Variants in CBLIF observed in about 807,000 individuals in gnomAD.
The protein encoded by CBLIF is gastric intrinsic factor (vitamin B synthesis).
In CBLIF, 24 loss-of-function variants were observed where a neutral mutation model predicts 44.9. The ratio of observed to expected loss-of-function variants is 0.53; its 90% CI spans 0.39 to 0.75. CBLIF has a LOEUF of 0.75. CBLIF is among the 30% of genes least tolerant of loss of function. CBLIF has a pLI of 0.00. For synonymous variants in CBLIF, 183 were observed against 190.9 expected, an observed-to-expected ratio of 0.96 and a Z score of 0.34; for missense variants, 481 against 513.0, an observed-to-expected ratio of 0.94 and a Z score of 0.60.
rs148081315 is a variant in CBLIF at position 59,842,499 on chromosome 11, G to A, written c.455C>T (p.Pro152Leu). 2.5e-4 allele frequency: 400 copies of A among 1,613,888 alleles called. 1 individual carries two copies. Among genetic ancestry groups the A allele is most frequent in the South Asian group, 2.1e-3 (195 of 91,064 alleles). Reference sequence around the variant, plus strand: ...GGTCTTGGCAAAGCGGACGGCTATCGGCAAGGTCGCCTCAGAGTTCTTCTG... The same window carrying A: ...GGTCTTGGCAAAGCGGACGGCTATCAGCAAGGTCGCCTCAGAGTTCTTCTG... ...LCQKNSEATLPIAVRFAKTLL... is the reference protein window; with the variant it reads ...LCQKNSEATLLIAVRFAKTLL... Residue 152 changes from proline to leucine, a missense_variant, in exon 4 of 9, where the codon CCG becomes CTG. Transcript: ENST00000257248.
intron 8 of CBLIF, 149 bp downstream of exon 8, chr11:59,831,529 A>C (rs926996956): frequency 3.1e-5 from 17 of 540,586 alleles, no homozygotes; most frequent in Non-Finnish European, 5.6e-5. Flanking sequence ...TACATATATA[A>C]GCAATCACTG....
At position 59,831,771 on chromosome 11, in the gene CBLIF, C is replaced by G; in HGVS notation, c.1099G>C (p.Gly367Arg). The change falls in exon 8 of 9, where the codon GGC becomes CGC. Residue 367 changes from glycine to arginine, a missense_variant. By Grantham distance (125) the Gly-to-Arg change is moderately radical. Coordinates refer to ENST00000257248, the MANE Select transcript of CBLIF (RefSeq NM_005142.3). ...FKFETTMTSW[G>R]LVVSSINNIA... The stretch of plus-strand genomic sequence containing the variant: ...TTGTTGATAGAAGAGACGACAAGGC[C>G]CCAAGATGTCATTGTGGTTTCAAAT... 6.3e-7 allele frequency: 1 copy of G among 1,597,754 alleles called. No homozygotes were observed. The highest frequency in any genetic ancestry group is 8.6e-7 in the Non-Finnish European group (1 of 1,165,438).
chr11:59,830,680 CA>C (rs1203776937), intron 8 of CBLIF, among the ~76,000 whole-genome samples: 1 of 151,850 alleles, frequency 6.6e-6, no homozygotes, highest in African/African-American at 2.4e-5. Flanking sequence ...GAATACATGC[CA>C]TGCAAAAAAC....
intron 3 of CBLIF, 111 bp downstream of exon 3, chr11:59,842,917 C>G: frequency 1.3e-6 from 1 of 740,840 alleles, no homozygotes; most frequent in South Asian, 1.5e-5. Context: ...GATACATTGT[C>G]TCTTCCCTAA....
chr11:59,841,353 C>T (rs370957853), intron 4 of CBLIF, 29 bp from the exon 5 acceptor site: 13 of 1,482,634 alleles, frequency 8.8e-6, no homozygotes, highest in Middle Eastern at 1.7e-4. Flanking sequence ...ATAAGATCAC[C>T]ATAGTCACCA....
At chr11:59,837,432 C>T in intron 5 of CBLIF, 81 bp from the exon 6 acceptor site, 1 of 1,006,228 alleles carries the variant, frequency 9.9e-7, no homozygotes, top group Admixed American at 1.9e-5. Context: ...AAGAGATAAA[C>T]TTGATCACTA....
rs1358279590 is a variant in CBLIF at position 59,841,168 on chromosome 11, A to T, written c.668T>A (p.Ile223Asn). Residue 223 changes from isoleucine (I) to asparagine (N), a missense_variant, in exon 5 of 9, where the codon ATC becomes AAC. Transcript: ENST00000257248. Reference protein sequence around the residue: ...KIKDNGIIGDIYSTGLAMQAL... With the variant: ...KIKDNGIIGDNYSTGLAMQAL... ...CTGCATGGCGAGGCCAGTACTGTAGATGTCTCCAATGATGCCATTATCTTT... is the reference window on the plus strand; with the variant it reads ...CTGCATGGCGAGGCCAGTACTGTAGTTGTCTCCAATGATGCCATTATCTTT... 1 of 1,613,654 alleles carries T rather than the reference A, an allele frequency of 6.2e-7. No individual in the cohort carries two copies. The highest frequency in any genetic ancestry group is 8.5e-7 in the Non-Finnish European group (1 of 1,179,624).
intron 7 of CBLIF, 151 bp downstream of exon 7, chr11:59,835,657 C>G: frequency 1.4e-6 from 1 of 711,464 alleles, no homozygotes; most frequent in East Asian, 2.7e-5. Context: ...TTCATGAGAG[C>G]CTTACCTATT....
chr11:59,836,973 A>T (rs1472658097), intron 6 of CBLIF, among the ~76,000 whole-genome samples: 1 of 152,226 alleles, frequency 6.6e-6, no homozygotes, highest in African/African-American at 2.4e-5. Context: ...ATGCTGAATG[A>T]AGTAGATATG....
chr11:59,835,122 T>C (rs965673743), intron 7 of CBLIF, among the ~76,000 whole-genome samples: 5 of 151,866 alleles, frequency 3.3e-5, no homozygotes, highest in Non-Finnish European at 5.9e-5. Context: ...TTATCGCAAA[T>C]GCTTTGTTCT....
In CBLIF at chr11:59,829,339, T is replaced by C; in HGVS notation, c.*145A>G. ...GAGACTCCAGTGAACTTTGCATTTT[T>C]ATTCTACATAGTGGTTCTCCATGTT... is the stretch of plus-strand genomic sequence containing the variant. On this transcript the variant is annotated 3_prime_UTR_variant, in exon 9 of 9. Transcript: ENST00000257248. 1 of 669,940 alleles carries C rather than the reference T, an allele frequency of 1.5e-6. No individual in the cohort carries two copies. The highest frequency in any genetic ancestry group is 2.8e-6 in the Non-Finnish European group (1 of 358,436). 41.5% of individuals were successfully genotyped at this position (669,940 alleles called of 1,614,324 possible). A position where few individuals can be genotyped will look rare whatever the true frequency, so the allele number is the denominator to read the frequency against.
intron 1 of CBLIF, 156 bp downstream of exon 1, chr11:59,845,219 A>T: frequency 2.9e-6 from 3 of 1,023,972 alleles, no homozygotes; most frequent in Non-Finnish European, 4.4e-6. Flanking sequence ...TATGCTATTA[A>T]GTCAGGAAGG....
At chr11:59,837,554 A>T (rs1229002494) in intron 5 of CBLIF, among the ~76,000 whole-genome samples, 3 of 152,242 alleles carry the variant, frequency 2.0e-5, no homozygotes, top group African/African-American at 7.2e-5. Context: ...TCTGTCAGAC[A>T]GCAGACACAG....
intron 6 of CBLIF, among the ~76,000 whole-genome samples, chr11:59,836,603 T>C (rs1866459348): frequency 6.6e-6 from 1 of 152,200 alleles, no homozygotes; most frequent in Admixed American, 6.5e-5. Context: ...ATTGCGTGCA[T>C]CGAGCTTTCA....
Position 59,835,857 on chromosome 11 carries a change from C to G in CBLIF, c.1024G>C (p.Val342Leu). The change falls in exon 7 of 9, where the codon GTG (valine) becomes CTG (leucine). Residue 342 changes from valine (V) to leucine (L), a missense_variant. Transcript: ENST00000257248. Reference protein sequence around the residue: ...TINVSVKSGSVLLVVLEEAQR... With the variant: ...TINVSVKSGSLLLVVLEEAQR... ...GCTTCCTCTAGGACAACAAGTAACA[C>G]TGACCCACTTTTCACACTAACATTG... is the stretch of plus-strand genomic sequence containing the variant. The G allele has an allele frequency of 1.2e-6, 2 of 1,614,168 alleles. No individual in the cohort carries two copies. The highest frequency in any genetic ancestry group is 1.7e-5 in the Admixed American group (1 of 60,028).
In CBLIF at chr11:59,837,231, G is replaced by T; in HGVS notation, c.814C>A (p.Leu272Ile). 1 of 1,614,020 alleles carries T rather than the reference G, an allele frequency of 6.2e-7. No homozygotes were observed. The highest frequency in any genetic ancestry group is 8.5e-7 in the Non-Finnish European group (1 of 1,179,878). The change falls in exon 6 of 9, where the codon CTC (leucine) becomes ATC (isoleucine). Residue 272 changes from leucine (L) to isoleucine (I), a missense_variant. Physicochemically the swap from Leu to Ile is conservative, Grantham distance 5 (BLOSUM62 2). Transcript: ENST00000257248. ...TATGTCTTGCCTTTCAGGGAAGGGA[G>T]GATTTGAGCAATGGACATGGGGTTG... ...FHNPMSIAQI[L>I]PSLKGKTYLD...
chr11:59,841,451 A>G, intron 4 of CBLIF, 127 bp from the exon 5 acceptor site: 1 of 735,992 alleles, frequency 1.4e-6, no homozygotes, highest in Non-Finnish European at 2.4e-6. Flanking sequence ...CAACCTGTGA[A>G]ACAGTACCTG....
intron 1 of CBLIF, 80 bp downstream of exon 1, chr11:59,845,295 A>T: frequency 6.2e-7 from 1 of 1,602,268 alleles, no homozygotes; most frequent in Non-Finnish European, 8.5e-7. Context: ...TGCTATTTTC[A>T]ACCACTCAGT....
chr11:59,844,376 A>G (rs1466941178), intron 1 of CBLIF, among the ~76,000 whole-genome samples: 1 of 152,060 alleles, frequency 6.6e-6, no homozygotes, highest in Non-Finnish European at 1.5e-5. Context: ...GACCTCAGGT[A>G]ATCCACCCTT....
Sources: allele counts gnomAD v4.1 joint callset (sites outside exome capture counted in the v4.1 genomes callset), GRCh38; gene constraint gnomAD v4.1.1; transcripts MANE v1.5; gene names NCBI Gene and HGNC (gene_info 2026-07-23, HGNC 2026-07-21).